Variants in KHDRBS2 observed in about 807,000 individuals in gnomAD.
The protein encoded by KHDRBS2 is KH RNA binding domain containing, signal transduction associated 2.
In KHDRBS2, 26 loss-of-function variants were observed where a neutral mutation model predicts 44.3. That is an observed-to-expected ratio of 0.59 (90% confidence interval 0.43 to 0.81). The LOEUF (loss-of-function observed/expected upper bound fraction) is 0.81. Among genes scored for constraint, KHDRBS2 ranks in the 40% least tolerant of loss-of-function variants. The pLI, the probability that KHDRBS2 is intolerant of heterozygous loss-of-function variation, is 0.00. For missense variants in KHDRBS2, 476 were observed against 433.1 expected, an observed-to-expected ratio of 1.10 and a Z score of -0.88; for synonymous variants, 194 against 151.1, an observed-to-expected ratio of 1.28 and a Z score of -2.08.
chr6:62,002,563 TA>T (rs1001241423), intron 3 of KHDRBS2, among the ~76,000 whole-genome samples: 7 of 151,318 alleles, frequency 4.6e-5, no homozygotes, highest in African/African-American at 1.7e-4. Flanking sequence ...TTAAATACTA[TA>T]TTACTCTTTT....
At chr6:62,076,821 G>C (rs1584545152) in intron 2 of KHDRBS2, among the ~76,000 whole-genome samples, 1 of 151,964 alleles carries the variant, frequency 6.6e-6, no homozygotes, top group Non-Finnish European at 1.5e-5. Context: ...GAGTTGGTAG[G>C]ATTGCTTGAA....
At chr6:62,258,766 TC>T (rs1837844685) in intron 1 of KHDRBS2, among the ~76,000 whole-genome samples, 1 of 151,870 alleles carries the variant, frequency 6.6e-6, no homozygotes, top group Admixed American at 6.6e-5. Flanking sequence ...AATCCAAAAC[TC>T]TTCTATATTT....
At chr6:61,887,540 C>T (rs1359545663) in intron 6 of KHDRBS2, among the ~76,000 whole-genome samples, 2 of 152,164 alleles carry the variant, frequency 1.3e-5, no homozygotes, top group African/African-American at 2.4e-5. Flanking sequence ...TGGGTTTAAA[C>T]AGCATTCTCA....
intron 6 of KHDRBS2, among the ~76,000 whole-genome samples, chr6:61,739,808 TATGTTA>T (rs1775895638): frequency 6.6e-6 from 1 of 151,922 alleles, no homozygotes; most frequent in Non-Finnish European, 1.5e-5. Flanking sequence ...CACACCATTA[TATGTTA>T]TTCCCACCAA....
intron 6 of KHDRBS2, among the ~76,000 whole-genome samples, chr6:61,848,510 T>TAC (rs1491479304): frequency 5.8e-4 from 28 of 48,128 alleles, no homozygotes; most frequent in African/African-American, 2.2e-3. Context: ...TATATATATA[T>TAC]GTATATATGT....
chr6:61,681,605 T>C (rs1226593956), intron 8 of KHDRBS2, among the ~76,000 whole-genome samples: 3 of 150,908 alleles, frequency 2.0e-5, no homozygotes, highest in Non-Finnish European at 4.4e-5. Context: ...GAATATAGAG[T>C]AGAAAAAACC....
chr6:62,221,631 C>A (rs1830910979), intron 1 of KHDRBS2, among the ~76,000 whole-genome samples: 2 of 151,968 alleles, frequency 1.3e-5, no homozygotes, highest in Admixed American at 1.3e-4. Context: ...ATCGCATTGG[C>A]TCACCATACA....
At chr6:62,276,687 A>G (rs144205103) in intron 1 of KHDRBS2, among the ~76,000 whole-genome samples, 1 of 152,346 alleles carries the variant, frequency 6.6e-6, no homozygotes, top group East Asian at 1.9e-4. Context: ...ATTTTATGAT[A>G]TCATATAATA....
the KHDRBS2 span, among the ~76,000 whole-genome samples, chr6:61,575,288 C>T: frequency 2.0e-5 from 3 of 152,008 alleles, no homozygotes; most frequent in African/African-American, 7.2e-5. Context: ...ATAATCCCAT[C>T]AAAAAGTGGG....
chr6:61,832,771 T>C (rs1282385595), intron 6 of KHDRBS2, among the ~76,000 whole-genome samples: 1 of 152,198 alleles, frequency 6.6e-6, no homozygotes, highest in Non-Finnish European at 1.5e-5. Flanking sequence ...TGTCCTGTGG[T>C]GTATCTGGAA....
At chr6:61,599,953 G>A in the KHDRBS2 span, among the ~76,000 whole-genome samples, 2 of 151,908 alleles carry the variant, frequency 1.3e-5, no homozygotes, top group African/African-American at 4.8e-5. Context: ...AAGAGACAAA[G>A]GAAAAAATAA....
chr6:62,102,861 G>T (rs1490047380), intron 2 of KHDRBS2, among the ~76,000 whole-genome samples: 1 of 152,134 alleles, frequency 6.6e-6, no homozygotes, highest in African/African-American at 2.4e-5. Flanking sequence ...ACAATGTTTG[G>T]TGGGTCCCAA....
intron 7 of KHDRBS2, among the ~76,000 whole-genome samples, chr6:61,731,933 A>G (rs1774520844): frequency 6.6e-6 from 1 of 152,126 alleles, no homozygotes; most frequent in Non-Finnish European, 1.5e-5. Context: ...AGAAGGTAAA[A>G]CTATGGTAAC....
chr6:61,980,139 G>A (rs543276934), intron 3 of KHDRBS2, among the ~76,000 whole-genome samples: 8 of 152,134 alleles, frequency 5.3e-5, no homozygotes, highest in African/African-American at 1.7e-4. Flanking sequence ...ATGACCCTTC[G>A]GAATCACATC....
At chr6:61,601,439 C>G in the KHDRBS2 span, among the ~76,000 whole-genome samples, 2 of 152,066 alleles carry the variant, frequency 1.3e-5, no homozygotes, top group Non-Finnish European at 2.9e-5. Context: ...TCTGCAACAC[C>G]ACTTGACCCC....
In KHDRBS2 at chr6:61,978,096, T is replaced by C; in HGVS notation, c.453A>G (p.Ala151=). 6.2e-7 allele frequency: 1 copy of C among 1,608,606 alleles called. No individual in the cohort carries two copies. Among genetic ancestry groups the C allele is most frequent in the Non-Finnish European group, 8.5e-7 (1 of 1,177,826 alleles). ...PGEAYSRMSH[A]LEEIKKFLVP... is the part of the protein sequence containing the mutation. ...CCAGGAATTTTTTAATCTCTTCCAA[T>C]GCATGACTCATACGTGAATAAGCTT... The change falls in exon 4 of 9, where the codon GCA becomes GCG. Residue 151 remains alanine (A), a synonymous_variant. Transcript: ENST00000281156.
intron 6 of KHDRBS2, among the ~76,000 whole-genome samples, chr6:61,882,794 G>T (rs940401743): frequency 6.6e-6 from 1 of 151,952 alleles, no homozygotes; most frequent in African/African-American, 2.4e-5. Context: ...ATGTGGAAAA[G>T]ATCTCAATCC....
intron 3 of KHDRBS2, among the ~76,000 whole-genome samples, chr6:62,030,106 T>A (rs1784073987): frequency 6.6e-6 from 1 of 151,988 alleles, no homozygotes; most frequent in South Asian, 2.1e-4. Flanking sequence ...CACAAGAGAT[T>A]CACCAATAAA....
intron 2 of KHDRBS2, among the ~76,000 whole-genome samples, chr6:62,139,443 C>A (rs1812293850): frequency 6.6e-6 from 1 of 150,476 alleles, no homozygotes; most frequent in Non-Finnish European, 1.5e-5. Context: ...GTCCCAGTTA[C>A]TTGGGAGGCT....
Sources: gnomAD v4.1 joint callset for allele counts (sites outside exome capture counted in the v4.1 genomes callset) on GRCh38, gnomAD v4.1.1 for gene constraint, MANE v1.5 for transcripts, NCBI Gene and HGNC (gene_info 2026-07-23, HGNC 2026-07-21) for gene names.